KCNIP4: variants seen among roughly 807,000 people sequenced by gnomAD.
KCNIP4 encodes the protein potassium voltage-gated channel interacting protein 4.
In KCNIP4, 12 loss-of-function variants were observed where a neutral mutation model predicts 34.0. The observed-to-expected ratio is 0.35, with a 90% CI of 0.23 to 0.57. The LOEUF (loss-of-function observed/expected upper bound fraction) is 0.57, where lower values mean the gene tolerates loss of function less well. Ranked by LOEUF, KCNIP4 falls within the 20% of genes least tolerant of loss-of-function variation. The pLI, the probability that KCNIP4 is intolerant of heterozygous loss-of-function variation, is 0.83. For synonymous variants in KCNIP4, 124 were observed against 102.2 expected (o/e 1.21, Z -1.29); for missense variants, 238 against 311.7 (o/e 0.76, Z 1.78).
chr4:21,265,682 C>T (rs928038117), intron 1 of KCNIP4, among the ~76,000 whole-genome samples: 3 of 152,132 alleles, frequency 2.0e-5, no homozygotes, highest in Non-Finnish European at 4.4e-5. Context: ...GAGATAGAAT[C>T]ATAATGGAAA....
At chr4:21,303,441 C>A (rs1440726525) in intron 1 of KCNIP4, among the ~76,000 whole-genome samples, 1 of 152,056 alleles carries the variant, frequency 6.6e-6, no homozygotes, top group African/African-American at 2.4e-5. Flanking sequence ...ACAATATACC[C>A]AAATAAAATT....
At chr4:21,503,329 G>T (rs1364770065) in intron 1 of KCNIP4, among the ~76,000 whole-genome samples, 1 of 152,136 alleles carries the variant, frequency 6.6e-6, no homozygotes, top group Non-Finnish European at 1.5e-5. Flanking sequence ...GGAGGTAAAG[G>T]TGGAAAGAGG....
rs142201894 is a variant in KCNIP4 at position 21,633,038 on chromosome 4, G to A, written c.61+315533C>T. On this transcript the variant is annotated intron_variant, in intron 1 of 8. Transcript: ENST00000382152. ...ATTTAACACTCTTCGGGTCACAGAC[G>A]TTTTAAAAAATCTTTTTCATAATTA... Among the ~76,000 whole-genome samples, 202 of 152,224 alleles carry A rather than the reference G, an allele frequency of 1.3e-3. 2 individuals carry two copies. The highest frequency in any genetic ancestry group is 4.0e-3 in the African/African-American group (168 of 41,530).
intron 1 of KCNIP4, among the ~76,000 whole-genome samples, chr4:21,284,029 C>T (rs182159576): frequency 2.6e-5 from 4 of 151,760 alleles, no homozygotes; most frequent in East Asian, 1.9e-4. Context: ...CTGGCTAACA[C>T]GGTGAAACCC....
At chr4:20,735,667 G>A (rs1005968165) in intron 5 of KCNIP4, among the ~76,000 whole-genome samples, 5 of 151,860 alleles carry the variant, frequency 3.3e-5, no homozygotes, top group Non-Finnish European at 7.4e-5. Context: ...CTCCCGAGTA[G>A]CTGGGACTAC....
chr4:21,279,484 A>ATT (rs1275594845), intron 1 of KCNIP4, among the ~76,000 whole-genome samples: 1 of 147,274 alleles, frequency 6.8e-6, no homozygotes, highest in African/African-American at 2.5e-5. Flanking sequence ...AACTTTAAAG[A>ATT]TTATATATAT....
chr4:21,462,765 T>TTGTGTG lies in KCNIP4; in HGVS notation c.61+485800_61+485805dup, dbSNP rs57124779. Among the ~76,000 whole-genome samples, 287 of 145,770 alleles carry TTGTGTG rather than the reference T, an allele frequency of 2.0e-3. 1 individual carries two copies. The highest frequency in any genetic ancestry group is 4.9e-3 in the African/African-American group (196 of 39,808). ...TTCTTTATGGCTAAATAGTATTCCA[T>TTGTGTG]TGTGTGTGTGTGTGTGTGTGTGTGT... On this transcript the variant is annotated intron_variant, in intron 1 of 8. Transcript: ENST00000382152.
At chr4:21,886,289 T>C (rs899441925) in intron 1 of KCNIP4, among the ~76,000 whole-genome samples, 1 of 152,120 alleles carries the variant, frequency 6.6e-6, no homozygotes, top group African/African-American at 2.4e-5. Flanking sequence ...GCTCCAAAAG[T>C]GCCAAAAGCT....
At chr4:21,071,261 A>G (rs1744889634) in intron 1 of KCNIP4, among the ~76,000 whole-genome samples, 2 of 152,070 alleles carry the variant, frequency 1.3e-5, no homozygotes, top group South Asian at 2.1e-4. Flanking sequence ...TTTTAAGTTA[A>G]TTTTTGTATA....
rs757337405 is a variant in KCNIP4, at chr4:21,926,430, T to C, written c.61+22141A>G. On this transcript the variant is annotated intron_variant, in intron 1 of 8. Transcript: ENST00000382152. ...ACTATAACTTTGCTCGAGTCTAGTA[T>C]AAAGCTGAGAAGCAGGTGTTTTCAC... Among the ~76,000 whole-genome samples, 3 of 152,294 alleles carry C rather than the reference T, an allele frequency of 2.0e-5. 1 individual carries two copies. The highest frequency in any genetic ancestry group is 4.1e-4 in the South Asian group (2 of 4,826).
chr4:20,908,831 C>G (rs1358093116), intron 1 of KCNIP4, among the ~76,000 whole-genome samples: 1 of 152,176 alleles, frequency 6.6e-6, no homozygotes, highest in African/African-American at 2.4e-5. Flanking sequence ...TAGTACTTGT[C>G]TCATTTAGTT....
rs1046580183 is a variant in KCNIP4, at chr4:21,368,900, G to T, written c.62-486191C>A. ...GAATAACAGGGCAAAATTTGGAATG[G>T]CCAAGAACAGTCTTCATTCATCTGT... is the stretch of plus-strand genomic sequence containing the variant. On this transcript the variant is annotated intron_variant, in intron 1 of 8. Coordinates refer to ENST00000382152, the MANE Select transcript of KCNIP4 (RefSeq NM_025221.6). Among the ~76,000 whole-genome samples, 5 of 147,160 alleles carry T rather than the reference G, an allele frequency of 3.4e-5. 1 individual carries two copies. Among genetic ancestry groups the T allele is most frequent in the African/African-American group, 1.4e-4 (5 of 36,884 alleles).
At chr4:20,821,668 G>C (rs1219844678) in intron 3 of KCNIP4, among the ~76,000 whole-genome samples, 1 of 151,612 alleles carries the variant, frequency 6.6e-6, no homozygotes, top group Non-Finnish European at 1.5e-5. Flanking sequence ...AAAGTCCATT[G>C]TATCACTCTT....
intron 1 of KCNIP4, among the ~76,000 whole-genome samples, chr4:21,238,949 GCAT>G (rs1332226344): frequency 6.6e-6 from 1 of 152,166 alleles, no homozygotes; most frequent in Non-Finnish European, 1.5e-5. Flanking sequence ...AAAGCTGGAG[GCAT>G]CACGCTACTT....
In KCNIP4 at chr4:20,999,429, TTGTTTTTTG is replaced by T. The variant is rs1361220361; in HGVS notation, c.62-116729_62-116721del. 2.8e-3 allele frequency among the ~76,000 whole-genome samples: 100 copies of T among 36,032 alleles called. 4 individuals are homozygous for T. The highest frequency in any genetic ancestry group is 0.016 in the African/African-American group (96 of 6,066). 23.6% of individuals were successfully genotyped at this position (36,032 alleles called of 152,430 possible). On this transcript the variant is annotated intron_variant, in intron 1 of 8. Transcript: ENST00000382152. ...TTGTGGTGGTGTTTTTTTTTTTTGT[TTGTTTTTTG>T]TTTTTTTTTTTTTTTTTTATCTTGA...
chr4:20,735,966 C>G (rs923191987), intron 5 of KCNIP4, among the ~76,000 whole-genome samples: 1 of 152,182 alleles, frequency 6.6e-6, no homozygotes, highest in Non-Finnish European at 1.5e-5. Context: ...CATTATATCT[C>G]CCTTTCTCAC....
At chr4:21,455,203 T>C (rs978011464) in intron 1 of KCNIP4, among the ~76,000 whole-genome samples, 3 of 151,684 alleles carry the variant, frequency 2.0e-5, no homozygotes, top group Admixed American at 1.3e-4. Flanking sequence ...CAATCAGAAG[T>C]AGGCAAATAA....
At chr4:21,401,187 A>G (rs1723528501) in intron 1 of KCNIP4, among the ~76,000 whole-genome samples, 1 of 152,162 alleles carries the variant, frequency 6.6e-6, no homozygotes. Flanking sequence ...CACCTACTAA[A>G]GGCCATTAAA....
At chr4:20,816,558 G>C (rs963787496) in intron 3 of KCNIP4, among the ~76,000 whole-genome samples, 5 of 152,204 alleles carry the variant, frequency 3.3e-5, no homozygotes, top group African/African-American at 1.2e-4. Flanking sequence ...CAATTTTCTA[G>C]TGTACTGAGC....
Sources: allele counts gnomAD v4.1 joint callset (sites outside exome capture counted in the v4.1 genomes callset), GRCh38; gene constraint gnomAD v4.1.1; transcripts MANE v1.5; gene names NCBI Gene and HGNC (gene_info 2026-07-23, HGNC 2026-07-21).